Variants in TLE1 observed in about 807,000 individuals in gnomAD.
The protein encoded by TLE1 is transducin-like enhancer protein 1.
In TLE1, 21 loss-of-function variants were observed where a neutral mutation model predicts 89.8. That is an observed-to-expected ratio of 0.23 (90% CI 0.17 to 0.34). The LOEUF (loss-of-function observed/expected upper bound fraction) is 0.34, where lower values mean the gene tolerates loss of function less well. TLE1 is among the 10% of genes least tolerant of loss of function. The probability of loss-of-function intolerance (pLI) is 1.00; values close to 1 mark genes in which losing one functional copy is unlikely to be tolerated. For missense variants in TLE1, 795 were observed against 1,031.2 expected (o/e 0.77, Z 3.14); for synonymous variants, 447 against 407.6 (o/e 1.10, Z -1.16).
rs1281221234 is a variant in TLE1 at position 81,589,208 on chromosome 9, A to G, written c.1830-1380T>C. 2.6e-5 allele frequency among the ~76,000 whole-genome samples: 4 copies of G among 152,128 alleles called. No homozygotes were observed. The East Asian group carries it at 7.8e-4, about 30-fold the overall frequency. On this transcript the variant is annotated intron_variant, in intron 16 of 19. Coordinates refer to ENST00000376499, the MANE Select transcript of TLE1 (RefSeq NM_005077.5). ...GCTCTGGAAATCCAGTGACCCTCTGACTTCTTTTGACCTTTCTAACTCATG... is the reference window on the plus strand; with the variant it reads ...GCTCTGGAAATCCAGTGACCCTCTGGCTTCTTTTGACCTTTCTAACTCATG...
At chr9:81,686,850 C>T (rs1175256668) in intron 2 of TLE1, among the ~76,000 whole-genome samples, 3 of 152,138 alleles carry the variant, frequency 2.0e-5, no homozygotes, top group Non-Finnish European at 4.4e-5. Context: ...TTATACCCAC[C>T]TCCCTCACCA....
At chr9:81,616,822 C>A in intron 9 of TLE1, 123 bp from the exon 10 acceptor site, 1 of 1,004,978 alleles carries the variant, frequency 1.0e-6, no homozygotes, top group Non-Finnish European at 1.5e-6. Context: ...GACAGGCCTG[C>A]AGGCTCTCTA....
intron 4 of TLE1, among the ~76,000 whole-genome samples, chr9:81,676,589 C>T (rs1439655291): frequency 6.6e-6 from 1 of 152,180 alleles, no homozygotes; most frequent in Non-Finnish European, 1.5e-5. Context: ...GAGAAAGAAG[C>T]AGTGGCCAAG....
At chr9:81,643,247 T>G (rs990385016) in intron 6 of TLE1, among the ~76,000 whole-genome samples, 1 of 151,764 alleles carries the variant, frequency 6.6e-6, no homozygotes, top group Non-Finnish European at 1.5e-5. Context: ...TTTTTTGGTT[T>G]TTTTTTTTGA....
rs1337943119 is a variant in TLE1, at chr9:81,653,978, T to C, written c.293A>G (p.Gln98Arg). Residue 98 changes from glutamine (Q) to arginine (R), a missense_variant, in exon 5 of 20, where the codon CAG becomes CGG. By Grantham distance (43) the Gln-to-Arg change is conservative. Transcript: ENST00000376499. ...ICAQVIPFLS[Q>R]EHQQQVAQAV... The stretch of plus-strand genomic sequence containing the variant: ...CAGCTGAACAATTTTACTTACTTCC[T>C]GAGACAGAAATGGGATGACTTGTGC... 1.2e-6 allele frequency: 2 copies of C among 1,613,858 alleles called. No homozygotes were observed. Among genetic ancestry groups the C allele is most frequent in the Non-Finnish European group, 1.7e-6 (2 of 1,179,838 alleles).
intron 8 of TLE1, among the ~76,000 whole-genome samples, chr9:81,622,666 T>G (rs915682349): frequency 3.9e-5 from 6 of 152,214 alleles, no homozygotes; most frequent in African/African-American, 1.4e-4. Flanking sequence ...TGAATAGGTT[T>G]TGAAAAGCTC....
At chr9:81,606,411 C>T (rs1225771250) in intron 14 of TLE1, among the ~76,000 whole-genome samples, 1 of 152,138 alleles carries the variant, frequency 6.6e-6, no homozygotes, top group African/African-American at 2.4e-5. Context: ...GAAAATGTGG[C>T]ACATACACAC....
intron 12 of TLE1, chr9:81,612,167 G>A: frequency 1.6e-6 from 1 of 640,584 alleles, no homozygotes; most frequent in Non-Finnish European, 2.2e-6. Flanking sequence ...AAAGACTCCA[G>A]GGGAAGCACA....
intron 14 of TLE1, among the ~76,000 whole-genome samples, chr9:81,595,724 C>G (rs1223317714): frequency 6.7e-6 from 1 of 149,432 alleles, no homozygotes; most frequent in Admixed American, 6.8e-5. Flanking sequence ...GAGGCTGAGG[C>G]AGGAGAATGG....
At chr9:81,631,340 G>C (rs541840918) in intron 8 of TLE1, among the ~76,000 whole-genome samples, 2 of 152,276 alleles carry the variant, frequency 1.3e-5, no homozygotes, top group Non-Finnish European at 2.9e-5. Flanking sequence ...AAGACACAGA[G>C]GTATAAAATA....
chr9:81,651,381 G>A (rs903803318), intron 6 of TLE1, among the ~76,000 whole-genome samples: 27 of 152,110 alleles, frequency 1.8e-4, no homozygotes, highest in Admixed American at 1.0e-3. Flanking sequence ...TGGAATGCAC[G>A]GTTCACCAGA....
intron 8 of TLE1, among the ~76,000 whole-genome samples, chr9:81,630,542 A>G (rs1156400700): frequency 6.6e-6 from 1 of 152,212 alleles, no homozygotes; most frequent in Non-Finnish European, 1.5e-5. Context: ...AGTAAATATC[A>G]AAATATAACC....
intron 6 of TLE1, among the ~76,000 whole-genome samples, chr9:81,638,355 T>C (rs918976893): frequency 2.0e-5 from 3 of 152,168 alleles, no homozygotes; most frequent in African/African-American, 7.2e-5. Flanking sequence ...ACACAAAGTG[T>C]CATTTCTAAG....
intron 4 of TLE1, among the ~76,000 whole-genome samples, chr9:81,673,285 A>C (rs1588212866): frequency 6.6e-6 from 1 of 151,114 alleles, no homozygotes; most frequent in African/African-American, 2.4e-5. Context: ...AAAAAAAAAA[A>C]AAAAAAAAAC....
Position 81,620,546 on chromosome 9 carries a change from G to T in TLE1, c.606C>A (p.Leu202=). Residue 202 remains leucine, a synonymous_variant, in exon 9 of 20, where the codon CTC becomes CTA. Transcript: ENST00000376499. ...TGCCTCTTAGACTGTCTGGGACCAG[G>T]AGGGAATTACTCTGCAAGACAAAAA... is the stretch of plus-strand genomic sequence containing the variant. The part of the protein sequence containing the change: ...RDREPGTSNS[L]LVPDSLRGTD... 1 of 1,611,062 alleles carries T rather than the reference G, an allele frequency of 6.2e-7. No individual in the cohort carries two copies. Among genetic ancestry groups the T allele is most frequent in the Non-Finnish European group, 8.5e-7 (1 of 1,179,318 alleles).
chr9:81,616,818 C>T, intron 9 of TLE1, 119 bp from the exon 10 acceptor site: 1 of 1,031,414 alleles, frequency 9.7e-7, no homozygotes, highest in Non-Finnish European at 1.5e-6. Context: ...CTGGGACAGG[C>T]CTGCAGGCTC....
At chr9:81,654,593 G>A (rs547215512) in intron 4 of TLE1, among the ~76,000 whole-genome samples, 69 of 151,944 alleles carry the variant, frequency 4.5e-4, no homozygotes, top group Middle Eastern at 3.4e-3. Flanking sequence ...CGCCCGCCTC[G>A]GCCTCCCAAA....
chr9:81,672,883 T>G (rs1832401959), intron 4 of TLE1, among the ~76,000 whole-genome samples: 1 of 152,170 alleles, frequency 6.6e-6, no homozygotes, highest in African/African-American at 2.4e-5. Flanking sequence ...CAACACAACT[T>G]TATTCTTACT....
At chr9:81,592,843 A>G (rs1829735060) in intron 15 of TLE1, among the ~76,000 whole-genome samples, 182 bp downstream of exon 15, 1 of 152,214 alleles carries the variant, frequency 6.6e-6, no homozygotes, top group Admixed American at 6.5e-5. Context: ...TAGCCAGTAC[A>G]ACAGCAACAA....
Sources: gnomAD v4.1 joint callset for allele counts (sites outside exome capture counted in the v4.1 genomes callset) on GRCh38, gnomAD v4.1.1 for gene constraint, MANE v1.5 for transcripts, NCBI Gene and HGNC (gene_info 2026-07-23, HGNC 2026-07-21) for gene names.